Variants in UGT1A9 observed in about 807,000 individuals in gnomAD.
UGT1A9 encodes UDP glucuronosyltransferase family 1 member A9, also known as UDP-glucuronosyltransferase 1A9.
Under a neutral mutation model 45.0 loss-of-function variants are expected in UGT1A9, and 35 were observed. The observed-to-expected ratio is 0.78, with a 90% CI of 0.59 to 1.03. UGT1A9 has a LOEUF of 1.03. UGT1A9 is among the 50% of genes least tolerant of loss of function. The pLI, the probability that UGT1A9 is intolerant of heterozygous loss-of-function variation, is 0.00. For synonymous variants in UGT1A9, 278 were observed against 250.6 expected (o/e 1.11, Z -1.03); for missense variants, 687 against 666.6 (o/e 1.03, Z -0.34).
At chr2:233,713,744 T>C (rs137952543) in intron 1 of UGT1A9, 2 of 1,613,956 alleles carry the variant, frequency 1.2e-6, no homozygotes, top group African/African-American at 1.3e-5. Flanking sequence ...TTGTCAGCCA[T>C]GCATCTGTGT....
At position 233,769,393 on chromosome 2, in the gene UGT1A9, G is replaced by A. The variant is rs767407915; in HGVS notation, c.1295+954G>A. ...GATTTCATCCGACAATAGATACTGT[G>A]TGCATATGTGCGTGTGCGTTTGTGC... is the stretch of plus-strand genomic sequence containing the variant. On this transcript the variant is annotated intron_variant, in intron 4 of 4. Transcript: ENST00000354728. This position sits in a 1 kb window ranked among gnomAD's most constrained non-coding sequence, Gnocchi z 4.4. 2.7e-5 allele frequency: 30 copies of A among 1,098,632 alleles called. No homozygotes were observed. Among genetic ancestry groups the A allele is most frequent in the Non-Finnish European group, 3.5e-5 (26 of 750,310 alleles). 68.1% of individuals were successfully genotyped at this position (1,098,632 alleles called of 1,614,324 possible).
chr2:233,715,201 T>TA (rs991074487), intron 1 of UGT1A9, among the ~76,000 whole-genome samples: 1 of 152,178 alleles, frequency 6.6e-6, no homozygotes, highest in Non-Finnish European at 1.5e-5. Flanking sequence ...TTCTATCTTT[T>TA]AAAAGACCCT....
chr2:233,771,327 C>T (rs1000719908), intron 4 of UGT1A9: 1 of 152,118 alleles, frequency 6.6e-6, no homozygotes, highest in African/African-American at 2.4e-5. Context: ...TCTTCAATCT[C>T]CTCTTCATTC....
At chr2:233,757,541 T>TAC (rs1553619873) in intron 1 of UGT1A9, among the ~76,000 whole-genome samples, 2 of 117,592 alleles carry the variant, frequency 1.7e-5, no homozygotes, top group African/African-American at 7.2e-5. Context: ...AAGGAATATA[T>TAC]ATATATATAT....
At chr2:233,725,740 A>G (rs2077471611) in intron 1 of UGT1A9, among the ~76,000 whole-genome samples, 1 of 152,228 alleles carries the variant, frequency 6.6e-6, no homozygotes. Context: ...AAATGTAAAC[A>G]TTGTAAGAGA....
At chr2:233,686,360 A>G (rs983184059) in intron 1 of UGT1A9, among the ~76,000 whole-genome samples, 1 of 152,180 alleles carries the variant, frequency 6.6e-6, no homozygotes, top group Admixed American at 6.5e-5. Context: ...ATCAAAGGAT[A>G]CTATCAAGAG....
chr2:233,719,370 G>T, intron 1 of UGT1A9: 1 of 1,613,830 alleles, frequency 6.2e-7, no homozygotes. Context: ...AGACTTTAAG[G>T]GCACACAGTG....
In UGT1A9 at chr2:233,724,166, C is replaced by A. The variant is rs1252861815; in HGVS notation, c.856-42868C>A. 7.0e-5 allele frequency among the ~76,000 whole-genome samples: 8 copies of A among 114,362 alleles called. No individual in the cohort carries two copies. In the East Asian group the frequency reaches 1.8e-3, roughly 26 times the overall value. The allele number at this position is 114,362 out of a possible 152,430, so 75.0% of individuals were successfully genotyped here. On this transcript the variant is annotated intron_variant, in intron 1 of 4. Transcript: ENST00000354728. Reference sequence around the variant, plus strand: ...CGGCTGGCCGGGTGGGGGGGCTGACCCCCCCATCTCCCTCCCGGACGGGGT... The same window carrying A: ...CGGCTGGCCGGGTGGGGGGGCTGACACCCCCATCTCCCTCCCGGACGGGGT...
chr2:233,719,328 G>T (rs776987422), intron 1 of UGT1A9: 1 of 1,613,970 alleles, frequency 6.2e-7, no homozygotes, highest in South Asian at 1.1e-5. Context: ...GATTCCTGCT[G>T]TGTTTTTTTG....
chr2:233,685,081 A>T (rs2074721609), intron 1 of UGT1A9, among the ~76,000 whole-genome samples: 1 of 152,106 alleles, frequency 6.6e-6, no homozygotes, highest in African/African-American at 2.4e-5. Context: ...TTTTTTTCTG[A>T]AAGGTTTCCT....
Position 233,719,499 on chromosome 2 carries a change from T to C in UGT1A9, c.855+46710T>C, listed in dbSNP as rs761613256. The C allele has an allele frequency of 9.3e-6, 15 of 1,613,718 alleles. No homozygotes were observed. Among genetic ancestry groups the C allele is most frequent in the Non-Finnish European group, 8.5e-6 (10 of 1,179,804 alleles). Reference sequence around the variant, plus strand: ...GGCCCTGTCCTACATTTGCCATACTTTTTCTGCCCCTTATGCAAGTCTTGC... The same window carrying C: ...GGCCCTGTCCTACATTTGCCATACTCTTTCTGCCCCTTATGCAAGTCTTGC... On this transcript the variant is annotated intron_variant, in intron 1 of 4. Transcript: ENST00000354728.
intron 1 of UGT1A9, among the ~76,000 whole-genome samples, chr2:233,710,084 T>C (rs2076109841): frequency 6.6e-6 from 1 of 152,220 alleles, no homozygotes. Context: ...CCTTTCACAT[T>C]GTTGCATGTA....
At chr2:233,763,211 A>C (rs985100909) in intron 1 of UGT1A9, among the ~76,000 whole-genome samples, 2 of 152,222 alleles carry the variant, frequency 1.3e-5, no homozygotes, top group Non-Finnish European at 2.9e-5. Context: ...AGTCAGGCTT[A>C]GGTGTGAAAA....
chr2:233,730,701 T>C (rs948528383), intron 1 of UGT1A9, among the ~76,000 whole-genome samples: 9 of 152,052 alleles, frequency 5.9e-5, no homozygotes, highest in African/African-American at 2.2e-4. Flanking sequence ...ATTCTTCTAC[T>C]TGGAATGCTG....
At chr2:233,693,140 G>C in intron 1 of UGT1A9, 1 of 1,614,230 alleles carries the variant, frequency 6.2e-7, no homozygotes, top group Non-Finnish European at 8.5e-7. Flanking sequence ...GAAGGATATA[G>C]TTGAGGTTCT....
At chr2:233,681,884 C>T in intron 1 of UGT1A9, 1 of 1,560,846 alleles carries the variant, frequency 6.4e-7, no homozygotes, top group Non-Finnish European at 8.7e-7. Flanking sequence ...CTTCCACTTA[C>T]TATATTATAG....
intron 1 of UGT1A9, chr2:233,743,484 G>A (rs773869804): frequency 7.3e-7 from 1 of 1,367,080 alleles, no homozygotes; most frequent in Non-Finnish European, 9.8e-7. Flanking sequence ...GAAATTCACT[G>A]AAGGCAGAGA....
At chr2:233,702,904 T>C (rs1326367671) in intron 1 of UGT1A9, among the ~76,000 whole-genome samples, 1 of 152,212 alleles carries the variant, frequency 6.6e-6, no homozygotes, top group Admixed American at 6.5e-5. Context: ...TAAGAGATAT[T>C]GGAAGTCTTA....
At chr2:233,678,114 A>G (rs1006666579) in intron 1 of UGT1A9, among the ~76,000 whole-genome samples, 8 of 152,192 alleles carry the variant, frequency 5.3e-5, no homozygotes, top group African/African-American at 1.9e-4. Flanking sequence ...GGAGCTAAAT[A>G]GTGGGTACTT....
Sources: gnomAD v4.1 joint callset for allele counts (sites outside exome capture counted in the v4.1 genomes callset) on GRCh38, gnomAD v4.1.1 for gene constraint, Gnocchi (gnomAD v3.1) non-coding constraint, MANE v1.5 for transcripts, NCBI Gene and HGNC (gene_info 2026-07-23, HGNC 2026-07-21) for gene names.